PSMD9: variants seen among roughly 807,000 people sequenced by gnomAD.
PSMD9 encodes 26S proteasome non-ATPase regulatory subunit 9.
A neutral mutation model predicts 25.9 loss-of-function variants in PSMD9; 26 were observed. The ratio of observed to expected loss-of-function variants is 1.00; its 90% CI spans 0.73 to 1.39. The LOEUF (loss-of-function observed/expected upper bound fraction) is 1.39, where lower values mean the gene tolerates loss of function less well. Among genes scored for constraint, PSMD9 ranks in the 40% most tolerant of loss-of-function variants. The probability of loss-of-function intolerance (pLI) is 0.00; values close to 1 mark genes in which losing one functional copy is unlikely to be tolerated. For synonymous variants in PSMD9, 110 were observed against 114.5 expected, an observed-to-expected ratio of 0.96 and a Z score of 0.25; for missense variants, 303 against 299.3, an observed-to-expected ratio of 1.01 and a Z score of -0.09.
intron 1 of PSMD9, among the ~76,000 whole-genome samples, chr12:121,889,485 T>G (rs1257884675): frequency 6.6e-6 from 1 of 152,206 alleles, no homozygotes; most frequent in Non-Finnish European, 1.5e-5. Context: ...TTCAAAGTGC[T>G]GGGATTACAG....
At chr12:121,911,349 A>C (rs958019494) in intron 4 of PSMD9, among the ~76,000 whole-genome samples, 1 of 151,968 alleles carries the variant, frequency 6.6e-6, no homozygotes, top group Non-Finnish European at 1.5e-5. Flanking sequence ...GGCTTATTTC[A>C]CTTAGCATAA....
intron 4 of PSMD9, 192 bp from the exon 5 acceptor site, chr12:121,915,664 G>T (rs893115496): frequency 8.7e-6 from 5 of 575,350 alleles, no homozygotes; most frequent in Non-Finnish European, 1.5e-5. Context: ...GAGGAAGATG[G>T]TACTGAGGTC....
At chr12:121,891,658 C>A (rs1304139850) in intron 1 of PSMD9, among the ~76,000 whole-genome samples, 1 of 150,704 alleles carries the variant, frequency 6.6e-6, no homozygotes, top group African/African-American at 2.4e-5. Context: ...GTAATCCCAG[C>A]ACTTTGGAAG....
At chr12:121,899,599 C>T (rs1272887607) in intron 2 of PSMD9, 35 bp from the exon 3 acceptor site, 1 of 1,550,846 alleles carries the variant, frequency 6.4e-7, no homozygotes, top group Middle Eastern at 1.8e-4. Context: ...CCTCCACTGT[C>T]TTCCTTGGCC....
In PSMD9 at chr12:121,899,699, C is replaced by A; in HGVS notation, c.307C>A (p.Arg103Ser). 6 of 1,613,988 alleles carry A rather than the reference C, an allele frequency of 3.7e-6. No individual in the cohort carries two copies. The highest frequency in any genetic ancestry group is 5.1e-6 in the Non-Finnish European group (6 of 1,179,968). ...GGAGGCCCTGCACCAGCTGCACGCT[C>A]GCGACAAGGAGAAGCAGGCCCGGGA... ...VEEALHQLHA[R>S]DKEKQARDMA... is the part of the protein sequence containing the mutation. The change falls in exon 3 of 6, where the codon CGC (arginine) becomes AGC (serine). Residue 103 changes from arginine to serine, a missense_variant. Physicochemically the swap from Arg to Ser is moderately radical, Grantham distance 110 (BLOSUM62 -1). Transcript: ENST00000541212.
In PSMD9 at chr12:121,903,062, C is replaced by G; in HGVS notation, c.510C>G (p.Phe170Leu). Residue 170 changes from phenylalanine to leucine, a missense_variant, in exon 4 of 6, where the codon TTC becomes TTG. Phe to Leu is a conservative substitution (Grantham distance 22, BLOSUM62 0). Coordinates refer to ENST00000541212, the MANE Select transcript of PSMD9 (RefSeq NM_002813.7). ...TCGGCTCTGTGAACACCCAGAACTT[C>G]CAGTCACTGCATAACATTGGCAGTG... ...VEFGSVNTQN[F>L]QSLHNIGSVV... is the part of the protein sequence containing the mutation. The G allele has an allele frequency of 1.2e-6, 2 of 1,614,110 alleles. No individual in the cohort carries two copies. The highest frequency in any genetic ancestry group is 8.5e-7 in the Non-Finnish European group (1 of 1,180,014).
chr12:121,898,334 C>T (rs187263660), intron 2 of PSMD9: 1 of 152,294 alleles, frequency 6.6e-6, no homozygotes, highest in Admixed American at 6.5e-5. Flanking sequence ...TTTGAATTAG[C>T]TATCTGTACT....
At chr12:121,889,034 G>A in intron 1 of PSMD9, 40 bp downstream of exon 1, 1 of 1,556,584 alleles carries the variant, frequency 6.4e-7, no homozygotes, top group Non-Finnish European at 8.7e-7. Context: ...GCCTAACCCG[G>A]CCCGGAGTCC....
At chr12:121,900,554 A>T (rs1879363910) in intron 3 of PSMD9, among the ~76,000 whole-genome samples, 1 of 148,304 alleles carries the variant, frequency 6.7e-6, no homozygotes, top group African/African-American at 2.5e-5. Context: ...ATGCCACTGC[A>T]CTCCAGCCTG....
At chr12:121,900,619 G>A (rs1879366233) in intron 3 of PSMD9, among the ~76,000 whole-genome samples, 1 of 150,504 alleles carries the variant, frequency 6.6e-6, no homozygotes, top group African/African-American at 2.4e-5. Context: ...CCCATTTAAA[G>A]TCCGTATACA....
In PSMD9 at chr12:121,916,581, C is replaced by G; in HGVS notation, c.*270C>G. The stretch of plus-strand genomic sequence containing the variant: ...TGTGGGCAAGTGGGCGGAAGTTATT[C>G]TGGCAGGTACTGGTGTGATTATTAT... On this transcript the variant is annotated 3_prime_UTR_variant, in exon 6 of 6. Coordinates refer to ENST00000541212, the MANE Select transcript of PSMD9 (RefSeq NM_002813.7). 1.9e-6 allele frequency: 1 copy of G among 528,558 alleles called. No homozygotes were observed. Among genetic ancestry groups the G allele is most frequent in the Non-Finnish European group, 3.4e-6 (1 of 294,906 alleles). The allele number at this position is 528,558 out of a possible 1,614,324, so 32.7% of individuals were successfully genotyped here. A position where few individuals can be genotyped will look rare whatever the true frequency, so the allele number is the denominator to read the frequency against.
At chr12:121,902,389 T>G (rs1051470260) in intron 3 of PSMD9, 1 of 152,864 alleles carries the variant, frequency 6.5e-6, no homozygotes, top group African/African-American at 2.4e-5. Flanking sequence ...CCTACCAGTC[T>G]TCTTTAATGG....
intron 1 of PSMD9, among the ~76,000 whole-genome samples, chr12:121,891,049 A>C: frequency 7.7e-6 from 1 of 130,172 alleles, no homozygotes; most frequent in African/African-American, 2.8e-5. Flanking sequence ...GATGGTCTCG[A>C]TCTCCTGACC....
In PSMD9 at chr12:121,915,894, A is replaced by C. The variant is rs770794074; in HGVS notation, c.594A>C (p.Lys198Asn). Residue 198 changes from lysine (K) to asparagine (N), a missense_variant, in exon 5 of 6, where the codon AAA (lysine) becomes AAC (asparagine). Physicochemically the swap from Lys to Asn is moderately conservative, Grantham distance 94 (BLOSUM62 0). Transcript: ENST00000541212. ...LNVTVIRRGE[K>N]HQLRLVPTRW... ...TGACAGTGATCCGCAGGGGGGAAAA[A>C]CACCAGCTTAGACTTGTTCCAACAC... 6.2e-7 allele frequency: 1 copy of C among 1,613,882 alleles called. No homozygotes were observed. Among genetic ancestry groups the C allele is most frequent in the Non-Finnish European group, 8.5e-7 (1 of 1,179,944 alleles).
At chr12:121,901,463 C>G (rs955804534) in intron 3 of PSMD9, among the ~76,000 whole-genome samples, 1 of 152,066 alleles carries the variant, frequency 6.6e-6, no homozygotes, top group African/African-American at 2.4e-5. Flanking sequence ...ATCCTCCTGT[C>G]TCAGCCTCCC....
intron 4 of PSMD9, among the ~76,000 whole-genome samples, chr12:121,905,225 CTT>C (rs1331388686): frequency 1.2e-4 from 17 of 137,656 alleles, no homozygotes; most frequent in Admixed American, 1.5e-4. Context: ...TTTTTCTTTT[CTT>C]TTTTTTTTTT....
intron 4 of PSMD9, among the ~76,000 whole-genome samples, chr12:121,905,188 C>T (rs140132913): frequency 2.0e-5 from 3 of 151,014 alleles, no homozygotes; most frequent in African/African-American, 7.3e-5. Flanking sequence ...CCACCTTTTT[C>T]AGTGTACAGT....
At chr12:121,910,866 C>G in intron 4 of PSMD9, 3 of 438,170 alleles carry the variant, frequency 6.8e-6, no homozygotes, top group Non-Finnish European at 1.4e-5. Context: ...TCTCCCATCT[C>G]CAAAACTTTT....
chr12:121,889,090 A>C, intron 1 of PSMD9, 96 bp downstream of exon 1: 1 of 1,465,116 alleles, frequency 6.8e-7, no homozygotes, highest in Non-Finnish European at 9.2e-7. Flanking sequence ...GGCGCTCCGC[A>C]ACGGATCTCC....
Sources: gnomAD v4.1 joint callset for allele counts (sites outside exome capture counted in the v4.1 genomes callset) on GRCh38, gnomAD v4.1.1 for gene constraint, MANE v1.5 for transcripts, NCBI Gene and HGNC (gene_info 2026-07-23, HGNC 2026-07-21) for gene names.